Variants in RPS23 observed in about 807,000 individuals in gnomAD.
RPS23 encodes the protein ribosomal protein S23, also known as small ribosomal subunit protein uS12.
For synonymous variants in RPS23, 66 were observed against 60.4 expected, an observed-to-expected ratio of 1.09 and a Z score of -0.43; for missense variants, 73 against 174.5, an observed-to-expected ratio of 0.42 and a Z score of 3.28.
chr5:82,275,929 C>T lies in RPS23; in HGVS notation c.*180G>A. The stretch of plus-strand genomic sequence containing the variant: ...AACTCTAGAGAATCCTGAAACAACC[C>T]TGTCTTATTGTCTCCTAAAATTGGT... On this transcript the variant is annotated 3_prime_UTR_variant, in exon 4 of 4. Transcript: ENST00000296674. The T allele has an allele frequency of 1.7e-6, 1 of 591,802 alleles. No homozygotes were observed. The highest frequency in any genetic ancestry group is 3.0e-6 in the Non-Finnish European group (1 of 332,308). 36.7% of individuals were successfully genotyped at this position (591,802 alleles called of 1,614,324 possible). A position where few individuals can be genotyped will look rare whatever the true frequency, so the allele number is the denominator to read the frequency against.
At chr5:82,278,051 T>C (rs1005201043) in intron 1 of RPS23, 199 bp from the exon 2 acceptor site, 6 of 654,448 alleles carry the variant, frequency 9.2e-6, no homozygotes, top group Non-Finnish European at 1.6e-5. Context: ...CCGGAGAATG[T>C]GTTCTCCCGA....
Position 82,277,679 on chromosome 5 carries a change from A to C in RPS23, c.164+14T>G. 1 of 1,612,976 alleles carries C rather than the reference A, an allele frequency of 6.2e-7. No homozygotes were observed. The highest frequency in any genetic ancestry group is 8.5e-7 in the Non-Finnish European group (1 of 1,179,338). On this transcript the variant is annotated intron_variant, in intron 2 of 3. Coordinates refer to ENST00000296674, the MANE Select transcript of RPS23 (RefSeq NM_001025.5). Reference sequence around the variant, plus strand: ...CTATAATAAACTAAAACTTGACGGGAGCAATGGACTTACACTTTTTCCAGC... The same window carrying C: ...CTATAATAAACTAAAACTTGACGGGCGCAATGGACTTACACTTTTTCCAGC...
chr5:82,277,158 G>C (rs576792899), intron 2 of RPS23, among the ~76,000 whole-genome samples: 1 of 134,374 alleles, frequency 7.4e-6, no homozygotes, highest in African/African-American at 2.8e-5. Context: ...ACCAGCCTGG[G>C]TGACAGAGCT....
chr5:82,277,986 A>C (rs1341567995), intron 1 of RPS23, 134 bp from the exon 2 acceptor site: 14 of 836,550 alleles, frequency 1.7e-5, no homozygotes, highest in Non-Finnish European at 2.2e-5. Context: ...CCTGTGGGCC[A>C]AACATTTGGC....
Position 82,274,362 on chromosome 5 carries a change from G to T in RPS23, c.*1747C>A, listed in dbSNP as rs1747721483. The T allele has an allele frequency of 6.6e-6, 1 of 152,470 alleles. No homozygotes were observed. The highest frequency in any genetic ancestry group is 1.5e-5 in the Non-Finnish European group (1 of 68,278). The allele number at this position is 152,470 out of a possible 1,614,324, so 9.4% of individuals were successfully genotyped here. On this transcript the variant is annotated 3_prime_UTR_variant, in exon 4 of 4. Coordinates refer to ENST00000296674, the MANE Select transcript of RPS23 (RefSeq NM_001025.5). ...CAGCTTCTGGATCTGAGGCGCCGGA[G>T]ATTATTTATGGGTCAATCTGGCAGC... is the stretch of plus-strand genomic sequence containing the variant.
At chr5:82,276,622 T>G in intron 2 of RPS23, 104 bp from the exon 3 acceptor site, 1 of 1,421,284 alleles carries the variant, frequency 7.0e-7, no homozygotes, top group Non-Finnish European at 9.7e-7. Flanking sequence ...CTTTTCAATC[T>G]AACCTCAAAT....
intron 2 of RPS23, 87 bp downstream of exon 2, chr5:82,277,606 C>T (rs1747919660): frequency 1.1e-5 from 15 of 1,338,766 alleles, no homozygotes; most frequent in Non-Finnish European, 1.6e-5. Flanking sequence ...ACACAAAAAC[C>T]TGCAATTACT....
At position 82,275,752 on chromosome 5, in the gene RPS23, AAAAG is replaced by A. The variant is rs757036510; in HGVS notation, c.*353_*356del. ...CCGATATGGAAAATACCAAGAATAA[AAAAG>A]AAAGTATCTCACTAGAATTTCAGTG... On this transcript the variant is annotated 3_prime_UTR_variant, in exon 4 of 4. Coordinates refer to ENST00000296674, the MANE Select transcript of RPS23 (RefSeq NM_001025.5). 9 of 254,486 alleles carry A rather than the reference AAAAG, an allele frequency of 3.5e-5. No homozygotes were observed. Among genetic ancestry groups the A allele is most frequent in the Admixed American group, 4.9e-5 (1 of 20,390 alleles). 15.8% of individuals were successfully genotyped at this position (254,486 alleles called of 1,614,324 possible).
chr5:82,278,171 C>T lies in RPS23; in HGVS notation c.4+149G>A. On this transcript the variant is annotated intron_variant, in intron 1 of 3. Transcript: ENST00000296674. ...CTCATGGGCCCCTTCCGCGCCGGAC[C>T]ACGTGCCTCCTGGAGCGGCGCTTCC... 3.8e-6 allele frequency: 4 copies of T among 1,043,070 alleles called. No homozygotes were observed. In the Admixed American group the frequency reaches 7.8e-5, roughly 20 times the overall value. 64.6% of individuals were successfully genotyped at this position (1,043,070 alleles called of 1,614,324 possible). A position where few individuals can be genotyped will look rare whatever the true frequency, so the allele number is the denominator to read the frequency against.
intron 2 of RPS23, 22 bp downstream of exon 2, chr5:82,277,671 T>G (rs1747928136): frequency 6.2e-7 from 1 of 1,611,944 alleles, no homozygotes; most frequent in African/African-American, 1.3e-5. Context: ...AAACTAAAAC[T>G]TGACGGGAGC....
Position 82,275,591 on chromosome 5 carries a change from TA to T in RPS23, c.*517del. On this transcript the variant is annotated 3_prime_UTR_variant, in exon 4 of 4. Transcript: ENST00000296674. ...CACAGATCCTGACACCTTTAAATAA[TA>T]AACAGAGTGGGGAGCAATTTTGAGT... 1 of 409,690 alleles carries T rather than the reference TA, an allele frequency of 2.4e-6. No homozygotes were observed. The highest frequency in any genetic ancestry group is 4.9e-5 in the South Asian group (1 of 20,268). 25.4% of individuals were successfully genotyped at this position (409,690 alleles called of 1,614,324 possible). A position where few individuals can be genotyped will look rare whatever the true frequency, so the allele number is the denominator to read the frequency against.
chr5:82,278,338 G>C lies in RPS23; in HGVS notation c.-15C>G, dbSNP rs370404124. ...AGCTCACCCATCCTGTCGGCGCCACGGGCCTGAGCGAAAGAGAGAAGCACC... is the reference window on the plus strand; with the variant it reads ...AGCTCACCCATCCTGTCGGCGCCACCGGCCTGAGCGAAAGAGAGAAGCACC... On this transcript the variant is annotated 5_prime_UTR_variant, in exon 1 of 4. Coordinates refer to ENST00000296674, the MANE Select transcript of RPS23 (RefSeq NM_001025.5). 3.1e-6 allele frequency: 5 copies of C among 1,608,240 alleles called. No individual in the cohort carries two copies. Among genetic ancestry groups the C allele is most frequent in the East Asian group, 2.2e-5 (1 of 44,510 alleles).
At position 82,274,930 on chromosome 5, in the gene RPS23, A is replaced by C. The variant is rs779638600; in HGVS notation, c.*1179T>G. The C allele has an allele frequency of 1.5e-5, 6 of 396,254 alleles. No individual in the cohort carries two copies. The South Asian group carries it at 2.2e-4, about 14-fold the overall frequency. The allele number at this position is 396,254 out of a possible 1,614,324, so 24.5% of individuals were successfully genotyped here. A position where few individuals can be genotyped will look rare whatever the true frequency, so the allele number is the denominator to read the frequency against. On this transcript the variant is annotated 3_prime_UTR_variant, in exon 4 of 4. Coordinates refer to ENST00000296674, the MANE Select transcript of RPS23 (RefSeq NM_001025.5). ...AAGAGCAGGCGACATGCAAGGAACC[A>C]TAGTAACAGGAACAGAGGTCCTGAG...
At chr5:82,278,196 C>T in intron 1 of RPS23, 124 bp downstream of exon 1, 1 of 993,190 alleles carries the variant, frequency 1.0e-6, no homozygotes, top group South Asian at 1.5e-5. Context: ...GCGGCGCTTC[C>T]CCGGCCCTCC....
In RPS23 at chr5:82,275,188, G is replaced by T; in HGVS notation, c.*921C>A. Reference sequence around the variant, plus strand: ...ATGTAAAGCTAGGCTTTGATCAAAGGGCTAATTAACCCATACTTACTATTT... The same window carrying T: ...ATGTAAAGCTAGGCTTTGATCAAAGTGCTAATTAACCCATACTTACTATTT... On this transcript the variant is annotated 3_prime_UTR_variant, in exon 4 of 4. Transcript: ENST00000296674. 2.8e-6 allele frequency: 2 copies of T among 701,958 alleles called. No individual in the cohort carries two copies. The highest frequency in any genetic ancestry group is 3.0e-5 in the South Asian group (2 of 67,438). The allele number at this position is 701,958 out of a possible 1,614,324, so 43.5% of individuals were successfully genotyped here.
chr5:82,273,996 T>A lies in RPS23; in HGVS notation c.*2113A>T, dbSNP rs1235459457. The stretch of plus-strand genomic sequence containing the variant: ...ACCTACGCCTAGGTTGTAAAGATAG[T>A]CTGTTTTCAGTTTTATAGCTTTCCA... On this transcript the variant is annotated 3_prime_UTR_variant, in exon 4 of 4. Transcript: ENST00000296674. 1 of 152,246 alleles carries A rather than the reference T, an allele frequency of 6.6e-6. No homozygotes were observed. The highest frequency in any genetic ancestry group is 1.5e-5 in the Non-Finnish European group (1 of 68,046). 9.4% of individuals were successfully genotyped at this position (152,246 alleles called of 1,614,324 possible).
At position 82,273,411 on chromosome 5, in the gene RPS23, T is replaced by G. The variant is rs1747704148; in HGVS notation, c.*2698A>C. ...TCAAGTGCACAATTTCTGTCCCTTT[T>G]AAGGGCTCACAACACTAAAGATTTC... On this transcript the variant is annotated 3_prime_UTR_variant, in exon 4 of 4. Transcript: ENST00000296674. The G allele has an allele frequency of 6.7e-6, 1 of 149,376 alleles. No individual in the cohort carries two copies. The highest frequency in any genetic ancestry group is 1.5e-5 in the Non-Finnish European group (1 of 68,034). The allele number at this position is 149,376 out of a possible 1,614,324, so 9.3% of individuals were successfully genotyped here.
rs938776798 is a variant in RPS23 at position 82,276,037 on chromosome 5, C to G, written c.*72G>C. ...ATGAACATGATCTTCGTGGTGAGAACAGGGGACAGTAAGATACAAACATTT... is the reference window on the plus strand; with the variant it reads ...ATGAACATGATCTTCGTGGTGAGAAGAGGGGACAGTAAGATACAAACATTT... On this transcript the variant is annotated 3_prime_UTR_variant, in exon 4 of 4. Transcript: ENST00000296674. 2.1e-6 allele frequency: 3 copies of G among 1,409,870 alleles called. No homozygotes were observed. In the African/African-American group the frequency reaches 4.3e-5, roughly 20 times the overall value. The allele number at this position is 1,409,870 out of a possible 1,614,324, so 87.3% of individuals were successfully genotyped here. A position where few individuals can be genotyped will look rare whatever the true frequency, so the allele number is the denominator to read the frequency against.
intron 2 of RPS23, 108 bp downstream of exon 2, chr5:82,277,585 T>A: frequency 9.0e-7 from 1 of 1,111,028 alleles, no homozygotes; most frequent in East Asian, 2.3e-5. Context: ...AATGCCCAAA[T>A]GAATACTACT....
Sources: allele counts gnomAD v4.1 joint callset (sites outside exome capture counted in the v4.1 genomes callset), GRCh38; gene constraint gnomAD v4.1.1; transcripts MANE v1.5; gene names NCBI Gene and HGNC (gene_info 2026-07-23, HGNC 2026-07-21).